Variants in COBL observed in about 807,000 individuals in gnomAD.
The protein encoded by COBL is protein cordon-bleu.
COBL carries 51 observed loss-of-function variants against 98.8 expected under a neutral mutation model. That is an observed-to-expected ratio of 0.52 (90% confidence interval 0.41 to 0.65). COBL has a LOEUF of 0.65. Among genes scored for constraint, COBL ranks in the 30% least tolerant of loss-of-function variants. The probability of loss-of-function intolerance (pLI) is 0.00; values close to 1 mark genes in which losing one functional copy is unlikely to be tolerated. For synonymous variants in COBL, 634 were observed against 651.7 expected (o/e 0.97, Z 0.41); for missense variants, 1,617 against 1,617.5 (o/e 1.00, Z 0.01).
At chr7:51,088,696 G>C (rs1360482535) in intron 6 of COBL, among the ~76,000 whole-genome samples, 1 of 152,162 alleles carries the variant, frequency 6.6e-6, no homozygotes, top group Non-Finnish European at 1.5e-5. Context: ...TCTGTGTCTA[G>C]AGTCTGTTCA....
rs147232176 is a variant in COBL, at chr7:51,085,264, C to T, written c.998G>A (p.Arg333Gln). 1,629 of 1,585,338 alleles carry T rather than the reference C, an allele frequency of 1.0e-3. 1 individual carries two copies. The highest frequency in any genetic ancestry group is 1.2e-3 in the Non-Finnish European group (1,422 of 1,165,950). ...TGGTGGAGGGGGAGCTGGCGCTCGC[C>T]GCTTCTTCTTCTGTAAATCAATCTG... Reference protein sequence around the residue: ...GSQIDLQKKKRRAPAPPPPQP... With the variant: ...GSQIDLQKKKQRAPAPPPPQP... Residue 333 changes from arginine to glutamine, a missense_variant, in exon 7 of 13, where the codon CGG (arginine) becomes CAG (glutamine). Arg to Gln is a conservative substitution (Grantham distance 43). Around this residue, in one of 3 missense-constraint regions of COBL, gnomAD observed 1,304 missense variants for 1,282.0 expected, o/e 1.02. Coordinates refer to ENST00000265136, the MANE Select transcript of COBL (RefSeq NM_015198.5).
intron 6 of COBL, among the ~76,000 whole-genome samples, chr7:51,090,693 C>T (rs1794727916): frequency 6.6e-6 from 1 of 152,224 alleles, no homozygotes; most frequent in Non-Finnish European, 1.5e-5. Flanking sequence ...AAGCACCCAG[C>T]TCACTGCTTA....
At position 51,043,392 on chromosome 7, in the gene COBL, GA is replaced by G; in HGVS notation, c.1396del (p.Ser466HisfsTer3). On this transcript the variant is annotated frameshift_variant, in exon 8 of 13. Coordinates refer to ENST00000265136, the MANE Select transcript of COBL (RefSeq NM_015198.5). LOFTEE classifies it high-confidence loss of function. ...PLWEKNGSEN[S>X]HLRTEKAVTA... Reference sequence around the variant, plus strand: ...CCTTCCCGTGACTCACCTCAGATGTGAGTTCTCAGAGCCATTCTTCTCCCAC... The same window carrying G: ...CCTTCCCGTGACTCACCTCAGATGTGGTTCTCAGAGCCATTCTTCTCCCAC... The G allele has an allele frequency of 3.7e-6, 6 of 1,614,010 alleles. No homozygotes were observed. Among genetic ancestry groups the G allele is most frequent in the Non-Finnish European group, 5.1e-6 (6 of 1,179,940 alleles).
At chr7:51,162,810 C>T (rs892570320) in intron 5 of COBL, among the ~76,000 whole-genome samples, 2 of 152,244 alleles carry the variant, frequency 1.3e-5, no homozygotes, top group Non-Finnish European at 2.9e-5. Flanking sequence ...GGCTTGCCCT[C>T]GGCCTCCGCC....
At chr7:51,286,014 T>C (rs1250763694) in intron 1 of COBL, among the ~76,000 whole-genome samples, 1 of 152,148 alleles carries the variant, frequency 6.6e-6, no homozygotes, top group Non-Finnish European at 1.5e-5. Context: ...ACAAATGGTA[T>C]TATAACAATT....
chr7:51,293,286 C>T (rs1301798177), intron 1 of COBL, among the ~76,000 whole-genome samples: 1 of 152,186 alleles, frequency 6.6e-6, no homozygotes, highest in Non-Finnish European at 1.5e-5. Context: ...GAATACATGT[C>T]CATACAAAAA....
intron 6 of COBL, among the ~76,000 whole-genome samples, chr7:51,110,741 T>C (rs1453793434): frequency 6.6e-6 from 1 of 152,228 alleles, no homozygotes; most frequent in African/African-American, 2.4e-5. Context: ...CTTATGCCTT[T>C]GTGTCCTCAT....
At chr7:51,206,048 G>C (rs1791667170) in intron 2 of COBL, among the ~76,000 whole-genome samples, 1 of 152,196 alleles carries the variant, frequency 6.6e-6, no homozygotes, top group South Asian at 2.1e-4. Flanking sequence ...GCAAGTGTTG[G>C]TGAGAATGTG....
chr7:51,310,252 GAC>G lies in COBL; in HGVS notation c.41+6339_41+6340del, dbSNP rs529786137. On this transcript the variant is annotated intron_variant, in intron 1 of 12. Coordinates refer to ENST00000265136, the MANE Select transcript of COBL (RefSeq NM_015198.5). ...CTGGCACCTGGCAGAAGCATCATCA[GAC>G]AGCCCTGGGCTGAAAAAGTCTGGAG... Among the ~76,000 whole-genome samples, 249 of 152,346 alleles carry G rather than the reference GAC, an allele frequency of 1.6e-3. 2 individuals carry two copies. Among genetic ancestry groups the G allele is most frequent in the African/African-American group, 5.8e-3 (240 of 41,572 alleles).
intron 5 of COBL, among the ~76,000 whole-genome samples, chr7:51,159,543 A>T (rs1291673927): frequency 6.6e-6 from 1 of 152,216 alleles, no homozygotes; most frequent in Non-Finnish European, 1.5e-5. Flanking sequence ...TCTGACAAAG[A>T]GCAGGGGAAG....
intron 1 of COBL, among the ~76,000 whole-genome samples, chr7:51,239,867 AT>A: frequency 6.6e-6 from 1 of 152,224 alleles, no homozygotes; most frequent in Admixed American, 6.5e-5. Context: ...GATCAGCAAC[AT>A]TTTCCATAAA....
intron 5 of COBL, among the ~76,000 whole-genome samples, chr7:51,171,641 C>G (rs908700847): frequency 6.7e-6 from 1 of 149,596 alleles, no homozygotes; most frequent in Admixed American, 6.6e-5. Flanking sequence ...TATATTTATA[C>G]TGTTTTGATT....
chr7:51,273,902 C>G (rs188081202), intron 1 of COBL, among the ~76,000 whole-genome samples: 5 of 152,266 alleles, frequency 3.3e-5, no homozygotes, highest in African/African-American at 1.2e-4. Flanking sequence ...CCACAGTTCA[C>G]GTACCCAGTG....
intron 1 of COBL, among the ~76,000 whole-genome samples, chr7:51,253,021 G>A (rs1448969600): frequency 1.3e-5 from 2 of 151,990 alleles, no homozygotes; most frequent in East Asian, 3.9e-4. Flanking sequence ...TCAGGAGTTC[G>A]AGACCAGACT....
In COBL at chr7:51,315,829, G is replaced by A. The variant is rs77570904; in HGVS notation, c.41+764C>T. On this transcript the variant is annotated intron_variant, in intron 1 of 12. Transcript: ENST00000265136. ...ATCCTGAATGTGACGTGTAATCCCT[G>A]CACGCAAGGTGTGGGGATAGCAAAC... is the stretch of plus-strand genomic sequence containing the variant. Among the ~76,000 whole-genome samples the A allele has an allele frequency of 2.6e-3, 402 of 152,324 alleles. 8 individuals carry two copies. The highest frequency in any genetic ancestry group is 8.6e-3 in the African/African-American group (356 of 41,564).
chr7:51,259,865 A>ATG (rs1347671193), intron 1 of COBL: 64 of 756,616 alleles, frequency 8.5e-5, no homozygotes, highest in African/African-American at 8.3e-4. Context: ...TCTCTGCACC[A>ATG]GTAAACTCAT....
chr7:51,231,466 G>A (rs1177631703), intron 1 of COBL, among the ~76,000 whole-genome samples: 1 of 152,238 alleles, frequency 6.6e-6, no homozygotes, highest in Non-Finnish European at 1.5e-5. Context: ...GCTGGGTCAA[G>A]GGCCACAGAC....
intron 1 of COBL, among the ~76,000 whole-genome samples, chr7:51,244,494 TAG>T (rs67843505): frequency 0.4 from 60,238 of 151,948 alleles, 12,308 homozygotes; most frequent in Non-Finnish European, 0.43. Context: ...TGGCCACAGA[TAG>T]AGAGAGTTGT....
At chr7:51,227,915 G>A (rs1359676429) in intron 1 of COBL, among the ~76,000 whole-genome samples, 1 of 152,144 alleles carries the variant, frequency 6.6e-6, no homozygotes, top group Non-Finnish European at 1.5e-5. Flanking sequence ...AGATAAGTAA[G>A]GGCTGAAATA....
Sources: gnomAD v4.1 joint callset for allele counts (sites outside exome capture counted in the v4.1 genomes callset) on GRCh38, gnomAD v4.1.1 for gene constraint, gnomAD v4.1.1 regional missense constraint, MANE v1.5 for transcripts, NCBI Gene and HGNC (gene_info 2026-07-23, HGNC 2026-07-21) for gene names.